Variants in CSRNP3 observed in about 807,000 individuals in gnomAD.
CSRNP3 encodes the protein cysteine/serine-rich nuclear protein 3.
CSRNP3 carries 12 observed loss-of-function variants against 48.0 expected under a neutral mutation model. The observed-to-expected ratio is 0.25, with a 90% CI of 0.16 to 0.41. CSRNP3 has a LOEUF of 0.41. Among genes scored for constraint, CSRNP3 ranks in the 10% least tolerant of loss-of-function variants. The pLI, the probability that CSRNP3 is intolerant of heterozygous loss-of-function variation, is 1.00. For missense variants in CSRNP3, 580 were observed against 724.4 expected (o/e 0.80, Z 2.29); for synonymous variants, 263 against 269.7 (o/e 0.98, Z 0.24).
chr2:165,527,798 A>T (rs956748749), intron 3 of CSRNP3, among the ~76,000 whole-genome samples: 2 of 152,180 alleles, frequency 1.3e-5, no homozygotes, highest in South Asian at 4.1e-4. Context: ...CATAGATGAC[A>T]GTGGAGTTTG....
chr2:165,484,951 TA>T (rs1418178480), intron 1 of CSRNP3, among the ~76,000 whole-genome samples: 1 of 152,228 alleles, frequency 6.6e-6, no homozygotes, highest in Non-Finnish European at 1.5e-5. Flanking sequence ...CTGAGTCTCC[TA>T]AGCTTTGTTT....
chr2:165,542,089 A>G lies in CSRNP3; in HGVS notation c.-24+24128A>G, dbSNP rs569398469. Among the ~76,000 whole-genome samples, 44 of 152,250 alleles carry G rather than the reference A, an allele frequency of 2.9e-4. 1 individual carries two copies. Among genetic ancestry groups the G allele is most frequent in the Middle Eastern group, 6.8e-3 (2 of 294 alleles). On this transcript the variant is annotated intron_variant, in intron 3 of 6. Coordinates refer to ENST00000651982, the MANE Select transcript of CSRNP3 (RefSeq NM_001172173.2). ...TAGAATTTTCAAACATGGTTTTTCA[A>G]ACTGTGCATTGACTTCCAGAACTTT...
chr2:165,507,813 C>G (rs1416725738), intron 2 of CSRNP3, among the ~76,000 whole-genome samples: 1 of 152,054 alleles, frequency 6.6e-6, no homozygotes, highest in African/African-American at 2.4e-5. Context: ...TTGGGATACT[C>G]CTAACATCTT....
intron 3 of CSRNP3, among the ~76,000 whole-genome samples, chr2:165,559,950 C>A (rs1685210695): frequency 1.3e-5 from 2 of 151,858 alleles, no homozygotes; most frequent in African/African-American, 4.8e-5. Context: ...CAGGCGCCCG[C>A]CACCAAGCCC....
At chr2:165,489,185 T>C (rs1210249061) in intron 1 of CSRNP3, among the ~76,000 whole-genome samples, 1 of 151,252 alleles carries the variant, frequency 6.6e-6, no homozygotes, top group African/African-American at 2.4e-5. Context: ...ACAAATAAAC[T>C]AGAAAATCTA....
intron 4 of CSRNP3, among the ~76,000 whole-genome samples, 164 bp downstream of exon 4, chr2:165,595,377 A>C (rs1574855148): frequency 6.6e-6 from 1 of 152,306 alleles, no homozygotes; most frequent in African/African-American, 2.4e-5. Flanking sequence ...GACTCAGTAG[A>C]TTCCTTTATT....
intron 3 of CSRNP3, among the ~76,000 whole-genome samples, chr2:165,532,798 T>C (rs1250321085): frequency 6.6e-6 from 1 of 152,110 alleles, no homozygotes; most frequent in Non-Finnish European, 1.5e-5. Context: ...CATGATTGTA[T>C]ATCTAGAAAA....
intron 5 of CSRNP3, among the ~76,000 whole-genome samples, chr2:165,666,140 AGGAAAGAGAGAGGAAGAAAGAG>A (rs1441221192): frequency 1.6e-5 from 2 of 128,356 alleles, no homozygotes; most frequent in Non-Finnish European, 3.4e-5. Flanking sequence ...GAAGGAAGGA[AGGAAAGAGAGAGGAAGAAAGAG>A]AGAGAGAGAA....
At chr2:165,588,056 C>T (rs536327586) in intron 3 of CSRNP3, among the ~76,000 whole-genome samples, 1 of 151,970 alleles carries the variant, frequency 6.6e-6, no homozygotes, top group South Asian at 2.1e-4. Flanking sequence ...ATTTTTTTAT[C>T]AGGAGATGAA....
chr2:165,561,494 C>T (rs1367864260), intron 3 of CSRNP3, among the ~76,000 whole-genome samples: 1 of 151,896 alleles, frequency 6.6e-6, no homozygotes, highest in Admixed American at 6.6e-5. Context: ...GTTCTGGTTT[C>T]TTGATATTCT....
intron 3 of CSRNP3, chr2:165,574,418 T>C (rs1394329058): frequency 7.1e-6 from 11 of 1,549,254 alleles, no homozygotes; most frequent in South Asian, 3.6e-5. Flanking sequence ...GTAGTCGTTA[T>C]ATAGTGCACG....
chr2:165,656,282 C>T (rs1171274379), intron 4 of CSRNP3, among the ~76,000 whole-genome samples: 1 of 152,166 alleles, frequency 6.6e-6, no homozygotes, highest in Non-Finnish European at 1.5e-5. Flanking sequence ...GATGATTCTA[C>T]CATGGCTTCT....
intron 5 of CSRNP3, among the ~76,000 whole-genome samples, chr2:165,672,884 G>A (rs1207171081): frequency 6.6e-6 from 1 of 152,164 alleles, no homozygotes; most frequent in Non-Finnish European, 1.5e-5. Flanking sequence ...AGGACTTCAA[G>A]GGGATAGCAG....
intron 2 of CSRNP3, among the ~76,000 whole-genome samples, chr2:165,509,139 A>G (rs1294701726): frequency 6.6e-6 from 1 of 152,208 alleles, no homozygotes; most frequent in East Asian, 1.9e-4. Flanking sequence ...TGATGTCTAC[A>G]TTAGTCATCA....
chr2:165,506,320 A>G (rs1684425894), intron 2 of CSRNP3, among the ~76,000 whole-genome samples: 1 of 152,082 alleles, frequency 6.6e-6, no homozygotes, highest in Non-Finnish European at 1.5e-5. Flanking sequence ...GCATTTCCCA[A>G]CTTCCATGCC....
At chr2:165,602,976 G>A (rs1293383223) in intron 4 of CSRNP3, among the ~76,000 whole-genome samples, 1 of 151,794 alleles carries the variant, frequency 6.6e-6, no homozygotes, top group Admixed American at 6.6e-5. Flanking sequence ...CTCACTGCAG[G>A]CTCTGCCCCA....
At chr2:165,540,923 G>C (rs1684948084) in intron 3 of CSRNP3, among the ~76,000 whole-genome samples, 1 of 151,976 alleles carries the variant, frequency 6.6e-6, no homozygotes, top group Non-Finnish European at 1.5e-5. Flanking sequence ...TAACTTCCCA[G>C]GAACATTTTG....
At chr2:165,499,222 C>T (rs978133130) in intron 2 of CSRNP3, among the ~76,000 whole-genome samples, 11 of 152,176 alleles carry the variant, frequency 7.2e-5, no homozygotes, top group African/African-American at 2.7e-4. Context: ...CAGAGATTGA[C>T]TTGCTTTATA....
At chr2:165,551,860 A>G (rs903235782) in intron 3 of CSRNP3, among the ~76,000 whole-genome samples, 2 of 152,244 alleles carry the variant, frequency 1.3e-5, no homozygotes, top group Non-Finnish European at 2.9e-5. Context: ...AGCCAGATGC[A>G]TAGAAGGAGA....
Sources: gnomAD v4.1 joint callset for allele counts (sites outside exome capture counted in the v4.1 genomes callset) on GRCh38, gnomAD v4.1.1 for gene constraint, MANE v1.5 for transcripts, NCBI Gene and HGNC (gene_info 2026-07-23, HGNC 2026-07-21) for gene names.